NOVA2: variants seen among roughly 807,000 people sequenced by gnomAD.
The protein encoded by NOVA2 is RNA-binding protein Nova-2.
Under a neutral mutation model 22.5 loss-of-function variants are expected in NOVA2, and 9 were observed. The observed-to-expected ratio is 0.40, with a 90% CI of 0.24 to 0.70. NOVA2 has a LOEUF of 0.70. Ranked by LOEUF, NOVA2 falls within the 30% of genes least tolerant of loss-of-function variation. The probability of loss-of-function intolerance (pLI) is 0.38; values close to 1 mark genes in which losing one functional copy is unlikely to be tolerated. For synonymous variants in NOVA2, 318 were observed against 335.2 expected (o/e 0.95, Z 0.56); for missense variants, 383 against 682.8 (o/e 0.56, Z 4.89).
intron 1 of NOVA2, among the ~76,000 whole-genome samples, chr19:45,969,462 G>A (rs1968206340): frequency 8.1e-6 from 1 of 123,696 alleles, no homozygotes; most frequent in Non-Finnish European, 1.6e-5. Flanking sequence ...AGCCATGACT[G>A]CACCACTACA....
chr19:45,952,836 C>T (rs1036203396), intron 3 of NOVA2, among the ~76,000 whole-genome samples: 3 of 152,206 alleles, frequency 2.0e-5, no homozygotes, highest in African/African-American at 7.2e-5. Context: ...CCCACCATTT[C>T]CCCATGAGCT....
chr19:45,971,644 C>T (rs972292125), intron 1 of NOVA2, among the ~76,000 whole-genome samples: 3 of 151,966 alleles, frequency 2.0e-5, no homozygotes, highest in Non-Finnish European at 2.9e-5. Flanking sequence ...AGGTAGGAGG[C>T]CCCCACCCCA....
intron 3 of NOVA2, among the ~76,000 whole-genome samples, chr19:45,941,367 C>T (rs967163231): frequency 2.0e-5 from 3 of 151,318 alleles, no homozygotes; most frequent in Admixed American, 1.3e-4. Context: ...TGGGGCCTTG[C>T]GATGTTGCCC....
chr19:45,970,154 A>G (rs573272490), intron 1 of NOVA2, among the ~76,000 whole-genome samples: 5 of 152,268 alleles, frequency 3.3e-5, no homozygotes, highest in African/African-American at 9.6e-5. Flanking sequence ...CATCTGTAAC[A>G]TGGGTTAACA....
rs567200421 is a variant in NOVA2, at chr19:45,950,381, G to C, written c.396+3399C>G. Among the ~76,000 whole-genome samples the C allele has an allele frequency of 2.0e-4, 31 of 152,040 alleles. 3 individuals are homozygous for C. In the South Asian group the frequency reaches 6.4e-3, roughly 32 times the overall value. ...TTGCCATGTTGGCCACGCTGGTCTC[G>C]AACTCCTGACCTCAGGTGATCCACC... On this transcript the variant is annotated intron_variant, in intron 3 of 3. Transcript: ENST00000263257.
chr19:45,967,440 A>G (rs1423684862), intron 1 of NOVA2: 1 of 152,074 alleles, frequency 6.6e-6, no homozygotes, highest in East Asian at 1.9e-4. Flanking sequence ...TACATGCCAG[A>G]ACTCCGCACC....
At position 45,940,053 on chromosome 19, in the gene NOVA2, A is replaced by G. The variant is rs777502985; in HGVS notation, c.1289T>C (p.Val430Ala). The G allele has an allele frequency of 6.2e-7, 1 of 1,613,916 alleles. No individual in the cohort carries two copies. Among genetic ancestry groups the G allele is most frequent in the South Asian group, 1.1e-5 (1 of 91,078 alleles). ...AILGKGGKTLVEYQELTGARI... is the reference protein window; with the variant it reads ...AILGKGGKTLAEYQELTGARI... ...AGCGCCCGTCAGCTCCTGGTACTCC[A>G]CCAACGTCTTGCCCCCCTTCCCCAG... The change falls in exon 4 of 4, where the codon GTG (valine) becomes GCG (alanine). Residue 430 changes from valine (V) to alanine (A), a missense_variant. Transcript: ENST00000263257.
In NOVA2 at chr19:45,939,646, G is replaced by A; in HGVS notation, c.*217C>T. ...ACAGGGAGGGAGGAAGGAGGGGTCA[G>A]TTCCGGGCTGGGGAGGGGGCTTCTG... On this transcript the variant is annotated 3_prime_UTR_variant, in exon 4 of 4. Coordinates refer to ENST00000263257, the MANE Select transcript of NOVA2 (RefSeq NM_002516.4). 8.2e-6 allele frequency: 5 copies of A among 607,554 alleles called. No homozygotes were observed. The highest frequency in any genetic ancestry group is 1.4e-5 in the Non-Finnish European group (5 of 350,374). The allele number at this position is 607,554 out of a possible 1,614,324, so 37.6% of individuals were successfully genotyped here.
intron 2 of NOVA2, among the ~76,000 whole-genome samples, chr19:45,955,371 T>C (rs1967989431): frequency 6.6e-6 from 1 of 152,054 alleles, no homozygotes; most frequent in South Asian, 2.1e-4. Flanking sequence ...CAGGTGTCAG[T>C]TTGTAGGACT....
chr19:45,953,629 A>T, intron 3 of NOVA2, 151 bp downstream of exon 3: 1 of 938,490 alleles, frequency 1.1e-6, no homozygotes, highest in East Asian at 2.4e-5. Context: ...ACTCCCTAAA[A>T]ATAATACTAA....
chr19:45,961,212 G>A (rs1235751360), intron 1 of NOVA2, 59 bp from the exon 2 acceptor site: 1 of 1,319,888 alleles, frequency 7.6e-7, no homozygotes, highest in Non-Finnish European at 1.1e-6. Flanking sequence ...ACCTTTGGAG[G>A]GGGTGAGCAG....
intron 2 of NOVA2, among the ~76,000 whole-genome samples, chr19:45,960,290 G>A (rs1968075629): frequency 6.6e-6 from 1 of 151,420 alleles, no homozygotes; most frequent in African/African-American, 2.4e-5. Context: ...ATTGAACAGA[G>A]TTCAGAGAGA....
intron 3 of NOVA2, among the ~76,000 whole-genome samples, chr19:45,945,987 A>G (rs1967831827): frequency 7.3e-6 from 1 of 136,360 alleles, no homozygotes; most frequent in African/African-American, 2.8e-5. Flanking sequence ...CCTGAATGAC[A>G]GAGTGAGACT....
intron 2 of NOVA2, among the ~76,000 whole-genome samples, chr19:45,959,727 T>TAGAG (rs377400534): frequency 7.1e-4 from 91 of 128,130 alleles, no homozygotes; most frequent in African/African-American, 2.6e-3. Flanking sequence ...GGAGAGAAGA[T>TAGAG]AGAGCAGAGA....
chr19:45,946,373 C>T (rs1016860043), intron 3 of NOVA2, among the ~76,000 whole-genome samples: 2 of 152,090 alleles, frequency 1.3e-5, no homozygotes, highest in African/African-American at 2.4e-5. Context: ...ATGCAAAGCA[C>T]GAATGTTGAC....
At chr19:45,965,956 A>G (rs1968162111) in intron 1 of NOVA2, among the ~76,000 whole-genome samples, 1 of 152,220 alleles carries the variant, frequency 6.6e-6, no homozygotes, top group South Asian at 2.1e-4. Flanking sequence ...CATTATCAGC[A>G]TTGCCTACAC....
chr19:45,953,169 G>C (rs1346386631), intron 3 of NOVA2, among the ~76,000 whole-genome samples: 2 of 152,332 alleles, frequency 1.3e-5, no homozygotes, highest in African/African-American at 4.8e-5. Context: ...CAACCGGACA[G>C]GCCCGGGAAG....
rs182738547 is a variant in NOVA2, at chr19:45,936,274, G to A, written c.*3589C>T. On this transcript the variant is annotated 3_prime_UTR_variant, in exon 4 of 4. Transcript: ENST00000263257. ...CTCCCCAGTTTCCATAGATTTGCCA[G>A]GAAGTTGGCAAGTGGGATTCTCCTT... 1.3e-5 allele frequency: 2 copies of A among 152,366 alleles called. No homozygotes were observed. The highest frequency in any genetic ancestry group is 1.3e-4 in the Admixed American group (2 of 15,310). 9.4% of individuals were successfully genotyped at this position (152,366 alleles called of 1,614,324 possible).
intron 2 of NOVA2, among the ~76,000 whole-genome samples, chr19:45,954,860 GT>G (rs1967980907): frequency 1.1e-5 from 1 of 87,028 alleles, no homozygotes; most frequent in African/African-American, 6.6e-5. Context: ...TGAGTGGTGT[GT>G]GTGTGTGTGT....
Sources: allele counts gnomAD v4.1 joint callset (sites outside exome capture counted in the v4.1 genomes callset), GRCh38; gene constraint gnomAD v4.1.1; transcripts MANE v1.5; gene names NCBI Gene and HGNC (gene_info 2026-07-23, HGNC 2026-07-21).